Variants in STXBP5L observed in about 807,000 individuals in gnomAD.
STXBP5L encodes the protein syntaxin-binding protein 5-like.
Under a neutral mutation model 144.5 loss-of-function variants are expected in STXBP5L, and 65 were observed. That is an observed-to-expected ratio of 0.45 (90% confidence interval 0.37 to 0.55). STXBP5L has a LOEUF of 0.55. Among genes scored for constraint, STXBP5L ranks in the 20% least tolerant of loss-of-function variants. The pLI, the probability that STXBP5L is intolerant of heterozygous loss-of-function variation, is 0.00. For missense variants in STXBP5L, 1,298 were observed against 1,405.5 expected (o/e 0.92, Z 1.22); for synonymous variants, 505 against 469.6 (o/e 1.08, Z -0.97).
chr3:121,248,063 CT>C (rs1286319387), intron 14 of STXBP5L, among the ~76,000 whole-genome samples: 2 of 150,922 alleles, frequency 1.3e-5, no homozygotes, highest in African/African-American at 4.9e-5. Flanking sequence ...CTTTTTTTTT[CT>C]TCTTTTTTTT....
At chr3:121,168,585 A>C (rs184684229) in intron 9 of STXBP5L, among the ~76,000 whole-genome samples, 1 of 152,192 alleles carries the variant, frequency 6.6e-6, no homozygotes, top group African/African-American at 2.4e-5. Flanking sequence ...GTAAGACAGG[A>C]TAACAGAGAT....
intron 18 of STXBP5L, among the ~76,000 whole-genome samples, chr3:121,264,327 C>T (rs2050482515): frequency 6.6e-6 from 1 of 152,082 alleles, no homozygotes; most frequent in African/African-American, 2.4e-5. Context: ...GCAGATTCTT[C>T]TCCAACTGTG....
intron 3 of STXBP5L, among the ~76,000 whole-genome samples, chr3:120,979,535 G>T (rs144734559): frequency 1.6e-4 from 25 of 152,062 alleles, no homozygotes; most frequent in Admixed American, 2.6e-4. Flanking sequence ...TTTGGCTCAC[G>T]CACAGTGCAC....
At chr3:120,993,870 G>T (rs567080817) in intron 3 of STXBP5L, among the ~76,000 whole-genome samples, 1 of 151,820 alleles carries the variant, frequency 6.6e-6, no homozygotes, top group South Asian at 2.1e-4. Context: ...TGCATTGAAT[G>T]TACAGATGGC....
chr3:121,083,338 C>G (rs1263958501), intron 5 of STXBP5L, among the ~76,000 whole-genome samples: 1 of 151,992 alleles, frequency 6.6e-6, no homozygotes, highest in Admixed American at 6.6e-5. Flanking sequence ...AACGTTTTCC[C>G]TCTTGTATTT....
At chr3:121,191,751 T>C (rs2108168058) in intron 9 of STXBP5L, among the ~76,000 whole-genome samples, 1 of 152,216 alleles carries the variant, frequency 6.6e-6, no homozygotes, top group East Asian at 1.9e-4. Flanking sequence ...ATATACACCA[T>C]GGAATACTAT....
chr3:120,939,114 A>AT (rs1191207805), intron 2 of STXBP5L, among the ~76,000 whole-genome samples: 1 of 152,098 alleles, frequency 6.6e-6, no homozygotes, highest in Admixed American at 6.6e-5. Context: ...CAATTTCATC[A>AT]TTTGTAATCA....
At chr3:121,378,338 T>G (rs577124547) in intron 20 of STXBP5L, among the ~76,000 whole-genome samples, 8 of 152,232 alleles carry the variant, frequency 5.3e-5, no homozygotes, top group African/African-American at 1.9e-4. Context: ...AAGTAAAATT[T>G]TTTTTAAAAT....
In STXBP5L at chr3:121,418,554, T is replaced by G. The variant is rs1389953817; in HGVS notation, c.3444T>G (p.His1148Gln). Reference protein sequence around the residue: ...TSAEAFSKHAHELMLKYKDKK... With the variant: ...TSAEAFSKHAQELMLKYKDKK... ...CAGAAGCATTTTCCAAACATGCACA[T>G]GAGGTAAACTGCCTAAGTAAATACA... The change falls in exon 26 of 27, where the codon CAT (histidine) becomes CAG (glutamine). Residue 1148 changes from histidine to glutamine, a missense_variant. Coordinates refer to ENST00000471454, the MANE Select transcript of STXBP5L (RefSeq NM_001308330.2). 13 of 1,613,728 alleles carry G rather than the reference T, an allele frequency of 8.1e-6. No individual in the cohort carries two copies. The highest frequency in any genetic ancestry group is 1.1e-5 in the Non-Finnish European group (13 of 1,179,840).
At chr3:121,117,240 G>A (rs1231262820) in intron 6 of STXBP5L, among the ~76,000 whole-genome samples, 1 of 151,696 alleles carries the variant, frequency 6.6e-6, no homozygotes, top group South Asian at 2.1e-4. Flanking sequence ...ACATGATTCA[G>A]CATTAGAATA....
intron 3 of STXBP5L, among the ~76,000 whole-genome samples, chr3:120,985,351 A>G (rs1166161961): frequency 6.6e-6 from 1 of 152,072 alleles, no homozygotes; most frequent in Non-Finnish European, 1.5e-5. Flanking sequence ...ATTTTGATGT[A>G]TGTATACATG....
intron 9 of STXBP5L, among the ~76,000 whole-genome samples, chr3:121,172,174 C>T (rs2046748055): frequency 6.6e-6 from 1 of 152,084 alleles, no homozygotes; most frequent in Admixed American, 6.6e-5. Context: ...AGACATTGTA[C>T]AAAAATTAAC....
chr3:121,340,561 C>T (rs1164301050), intron 20 of STXBP5L, among the ~76,000 whole-genome samples: 11 of 151,516 alleles, frequency 7.3e-5, no homozygotes, highest in African/African-American at 2.7e-4. Context: ...AACTCCCACC[C>T]CTGAGTGAGA....
chr3:121,004,144 A>G (rs934187507), intron 3 of STXBP5L, among the ~76,000 whole-genome samples: 18 of 152,118 alleles, frequency 1.2e-4, no homozygotes, highest in African/African-American at 1.4e-4. Context: ...CTTGGGCAGT[A>G]TGGCCATTTT....
chr3:120,995,888 TATC>T (rs1427100804), intron 3 of STXBP5L, among the ~76,000 whole-genome samples: 1 of 152,264 alleles, frequency 6.6e-6, no homozygotes, highest in African/African-American at 2.4e-5. Context: ...CTTCTTTTCT[TATC>T]ATTTCCTTTC....
intron 7 of STXBP5L, among the ~76,000 whole-genome samples, chr3:121,139,799 A>G (rs1349517434): frequency 6.6e-6 from 1 of 152,038 alleles, no homozygotes; most frequent in Non-Finnish European, 1.5e-5. Context: ...CAGAATAGTT[A>G]TTACTATAAG....
At chr3:121,338,579 G>A (rs1327759822) in intron 20 of STXBP5L, among the ~76,000 whole-genome samples, 1 of 112,064 alleles carries the variant, frequency 8.9e-6, no homozygotes, top group African/African-American at 3.7e-5. Flanking sequence ...GGAGGCAGAG[G>A]TTGCATTTCT....
intron 3 of STXBP5L, among the ~76,000 whole-genome samples, chr3:120,992,188 G>T (rs1378452119): frequency 6.6e-6 from 1 of 151,878 alleles, no homozygotes; most frequent in Non-Finnish European, 1.5e-5. Flanking sequence ...ATATTTCTCT[G>T]TATTTATGGA....
rs141241789 is a variant in STXBP5L, at chr3:120,964,670, T to C, written c.287+9633T>C. ...GTAATTTCTGTTCTTTTACAATTGC[T>C]GAGGAGTGCTTTAGTTCCAATTATG... On this transcript the variant is annotated intron_variant, in intron 3 of 26. Transcript: ENST00000471454. 2.5e-3 allele frequency among the ~76,000 whole-genome samples: 379 copies of C among 152,328 alleles called. 2 individuals are homozygous for C. Among genetic ancestry groups the C allele is most frequent in the African/African-American group, 8.6e-3 (356 of 41,570 alleles).
Sources: allele counts gnomAD v4.1 joint callset (sites outside exome capture counted in the v4.1 genomes callset), GRCh38; gene constraint gnomAD v4.1.1; transcripts MANE v1.5; gene names NCBI Gene and HGNC (gene_info 2026-07-23, HGNC 2026-07-21).